The following NCKAP5 variants were observed in gnomAD, a reference collection of about 807,000 sequenced individuals.
The protein encoded by NCKAP5 is nck-associated protein 5.
A neutral mutation model predicts 167.0 loss-of-function variants in NCKAP5; 92 were observed. That is an observed-to-expected ratio of 0.55 (90% CI 0.47 to 0.66). The LOEUF (loss-of-function observed/expected upper bound fraction) is 0.66. Ranked by LOEUF, NCKAP5 falls within the 30% of genes least tolerant of loss-of-function variation. NCKAP5 has a pLI of 0.00. For missense variants in NCKAP5, 2,378 were observed against 2,315.0 expected (o/e 1.03, Z -0.56); for synonymous variants, 891 against 877.4 (o/e 1.02, Z -0.27).
intron 5 of NCKAP5, among the ~76,000 whole-genome samples, chr2:133,205,566 C>CCT (rs1204039980): frequency 6.6e-6 from 1 of 152,108 alleles, no homozygotes; most frequent in Non-Finnish European, 1.5e-5. Flanking sequence ...CCATATCCTT[C>CCT]CATTATCTTC....
chr2:132,795,315 T>C (rs1215473674), intron 12 of NCKAP5, among the ~76,000 whole-genome samples: 1 of 152,184 alleles, frequency 6.6e-6, no homozygotes, highest in Non-Finnish European at 1.5e-5. Flanking sequence ...ATTCTTAAAA[T>C]TCTTCATCAA....
intron 16 of NCKAP5, among the ~76,000 whole-genome samples, chr2:132,769,493 G>A (rs1335212545): frequency 6.7e-6 from 1 of 149,582 alleles, no homozygotes; most frequent in African/African-American, 2.5e-5. Context: ...TAGACAACAT[G>A]AAGAACAGTG....
chr2:133,623,039 A>G, the NCKAP5 span, among the ~76,000 whole-genome samples: 1 of 152,178 alleles, frequency 6.6e-6, no homozygotes, highest in Admixed American at 6.5e-5. Flanking sequence ...AAACAAAAAC[A>G]TGAGGTGAGA....
At chr2:133,185,321 T>C (rs559220359) in intron 5 of NCKAP5, among the ~76,000 whole-genome samples, 29 of 152,276 alleles carry the variant, frequency 1.9e-4, no homozygotes, top group African/African-American at 6.5e-4. Flanking sequence ...CTGGTCTATG[T>C]GTCTGCTTTT....
chr2:132,794,987 C>G (rs1376575843), intron 12 of NCKAP5, among the ~76,000 whole-genome samples: 2 of 152,318 alleles, frequency 1.3e-5, no homozygotes, highest in Middle Eastern at 3.4e-3. Context: ...GCCAAAGGAA[C>G]AGAGATCTTA....
the NCKAP5 span, among the ~76,000 whole-genome samples, chr2:133,589,994 C>A: frequency 6.6e-6 from 1 of 152,182 alleles, no homozygotes; most frequent in Non-Finnish European, 1.5e-5. Flanking sequence ...AAAACTGAAG[C>A]CTCCTTTGCC....
At chr2:133,091,120 C>T (rs2081164659) in intron 6 of NCKAP5, among the ~76,000 whole-genome samples, 1 of 152,200 alleles carries the variant, frequency 6.6e-6, no homozygotes, top group Non-Finnish European at 1.5e-5. Context: ...TCCCCTTCTG[C>T]CATGATTGTG....
Position 133,494,626 on chromosome 2 carries a change from C to T in NCKAP5, c.69+22832G>A, listed in dbSNP as rs541693166. Among the ~76,000 whole-genome samples, 65 of 152,208 alleles carry T rather than the reference C, an allele frequency of 4.3e-4. 1 individual carries two copies. The highest frequency in any genetic ancestry group is 1.4e-3 in the African/African-American group (59 of 41,536). ...GATGAGAAGGTGCGGTCAGACATGC[C>T]TCATTATACCCTCCTCTCTATGGAA... On this transcript the variant is annotated intron_variant, in intron 3 of 19. Transcript: ENST00000409261.
chr2:133,365,380 C>T (rs1158048009), intron 3 of NCKAP5, among the ~76,000 whole-genome samples: 1 of 152,118 alleles, frequency 6.6e-6, no homozygotes, highest in Non-Finnish European at 1.5e-5. Flanking sequence ...ATGACAAAGC[C>T]AGCTTGAATC....
chr2:132,674,896 G>A lies in NCKAP5; in HGVS notation c.5714-1591C>T, dbSNP rs538429916. ...ACACAGCTACCCTGAAACCAGAGGC[G>A]GGCTAAGGAACAGACTCCTAGCTGA... On this transcript the variant is annotated intron_variant, in intron 19 of 19. Transcript: ENST00000409261. Among the ~76,000 whole-genome samples the A allele has an allele frequency of 1.3e-4, 20 of 152,176 alleles. No individual in the cohort carries two copies. The East Asian group carries it at 1.7e-3, about 13-fold the overall frequency.
At chr2:133,540,778 A>C (rs1439177835) in intron 2 of NCKAP5, among the ~76,000 whole-genome samples, 1 of 151,900 alleles carries the variant, frequency 6.6e-6, no homozygotes, top group East Asian at 1.9e-4. Flanking sequence ...ACTGCTAAAA[A>C]CACAAAAATT....
At chr2:133,446,047 C>T (rs1691172460) in intron 3 of NCKAP5, among the ~76,000 whole-genome samples, 2 of 151,984 alleles carry the variant, frequency 1.3e-5, no homozygotes, top group Non-Finnish European at 2.9e-5. Context: ...TGTCTTAATG[C>T]AAGACAGACT....
rs766862545 is a variant in NCKAP5, at chr2:132,728,868, G to A, written c.5528C>T (p.Ala1843Val). ...CCCCCAGTCTGGAAGCGGCTGGCTT[G>A]CCATTGGGTCTTCAGCATATCCGAA... ...SSFGYAEDPMASQPLPDWGSE... is the reference protein window; with the variant it reads ...SSFGYAEDPMVSQPLPDWGSE... Residue 1843 changes from alanine to valine, a missense_variant, in exon 18 of 20, where the codon GCA (alanine) becomes GTA (valine). Ala to Val is a moderately conservative substitution (Grantham distance 64). Transcript: ENST00000409261. 6.2e-7 allele frequency: 1 copy of A among 1,613,950 alleles called. No homozygotes were observed. Among genetic ancestry groups the A allele is most frequent in the Non-Finnish European group, 8.5e-7 (1 of 1,179,862 alleles).
chr2:133,083,812 T>C (rs76747255), intron 6 of NCKAP5, among the ~76,000 whole-genome samples: 2,131 of 152,310 alleles, frequency 0.014, 50 homozygotes, highest in African/African-American at 0.049. Context: ...CCACTATGTG[T>C]CAGGATTTGT....
At chr2:133,295,383 A>G (rs1481117828) in intron 4 of NCKAP5, among the ~76,000 whole-genome samples, 1 of 152,232 alleles carries the variant, frequency 6.6e-6, no homozygotes, top group African/African-American at 2.4e-5. Context: ...GCATATACGC[A>G]GCACATGTTA....
At position 133,159,333 on chromosome 2, in the gene NCKAP5, T is replaced by C. The variant is rs112064739; in HGVS notation, c.208-29222A>G. ...CAACCTGAGTGAATCTGAAAGCAAA[T>C]TCTTCCCAGAGCCTTGCAATAAGAG... On this transcript the variant is annotated intron_variant, in intron 5 of 19. Transcript: ENST00000409261. 4.8e-4 allele frequency among the ~76,000 whole-genome samples: 73 copies of C among 152,270 alleles called. 1 individual carries two copies. The highest frequency in any genetic ancestry group is 1.7e-3 in the African/African-American group (71 of 41,550).
At chr2:133,059,411 T>C (rs113543145) in intron 6 of NCKAP5, among the ~76,000 whole-genome samples, 1,985 of 152,138 alleles carry the variant, frequency 0.013, 41 homozygotes, top group African/African-American at 0.045. Flanking sequence ...TTACAGTGGC[T>C]CATTCCTGTG....
chr2:133,606,639 C>T, the NCKAP5 span, among the ~76,000 whole-genome samples: 1 of 150,488 alleles, frequency 6.6e-6, no homozygotes, highest in Non-Finnish European at 1.5e-5. Context: ...CGGGACAGGG[C>T]CTACACCTCC....
intron 6 of NCKAP5, among the ~76,000 whole-genome samples, chr2:133,014,865 A>T (rs963727384): frequency 2.6e-5 from 4 of 152,228 alleles, no homozygotes. Context: ...TATAAGCAAG[A>T]TCTAAGATTC....
Sources: allele counts gnomAD v4.1 joint callset (sites outside exome capture counted in the v4.1 genomes callset), GRCh38; gene constraint gnomAD v4.1.1; transcripts MANE v1.5; gene names NCBI Gene and HGNC (gene_info 2026-07-23, HGNC 2026-07-21).